The following MAST4 variants were observed in gnomAD, a reference collection of about 807,000 sequenced individuals.
The protein encoded by MAST4 is microtubule-associated serine/threonine-protein kinase 4.
In MAST4, 89 loss-of-function variants were observed where a neutral mutation model predicts 162.7. That is an observed-to-expected ratio of 0.55 (90% CI 0.46 to 0.65). The LOEUF (loss-of-function observed/expected upper bound fraction) is 0.65. Ranked by LOEUF, MAST4 falls within the 30% of genes least tolerant of loss-of-function variation. MAST4 has a pLI of 0.00. For synonymous variants in MAST4, 1,479 were observed against 1,361.1 expected (o/e 1.09, Z -1.91); for missense variants, 3,153 against 3,374.0 (o/e 0.93, Z 1.62).
intron 1 of MAST4, among the ~76,000 whole-genome samples, chr5:66,599,318 CT>C (rs1742405765): frequency 6.6e-6 from 1 of 152,118 alleles, no homozygotes; most frequent in South Asian, 2.1e-4. Context: ...TCTTTTGCCC[CT>C]CTCCTCAAAA....
At chr5:66,621,921 A>G (rs1744101575) in intron 1 of MAST4, among the ~76,000 whole-genome samples, 1 of 152,142 alleles carries the variant, frequency 6.6e-6, no homozygotes, top group South Asian at 2.1e-4. Flanking sequence ...TGTCGCAACT[A>G]CTCAACTCTG....
intron 4 of MAST4, among the ~76,000 whole-genome samples, chr5:66,915,316 C>A (rs1259047249): frequency 6.7e-6 from 1 of 149,086 alleles, no homozygotes; most frequent in African/African-American, 2.5e-5. Context: ...TGATTGTTTG[C>A]TGTGAGATTT....
chr5:66,788,535 A>G, intron 2 of MAST4, 135 bp from the exon 3 acceptor site: 1 of 1,167,626 alleles, frequency 8.6e-7, no homozygotes, highest in Admixed American at 2.2e-5. Context: ...GTTGCTATTA[A>G]TGTTATTACT....
intron 8 of MAST4, 138 bp downstream of exon 8, chr5:67,100,730 T>C (rs563564237): frequency 4.9e-4 from 518 of 1,053,182 alleles, no homozygotes; most frequent in Admixed American, 9.3e-4. Context: ...GATGTTTCCA[T>C]GTACACATAA....
rs1773737047 is a variant in MAST4 at position 67,165,264 on chromosome 5, A to T, written c.6085A>T (p.Thr2029Ser). 1.2e-6 allele frequency: 2 copies of T among 1,613,110 alleles called. No homozygotes were observed. The highest frequency in any genetic ancestry group is 3.3e-5 in the Admixed American group (2 of 59,966). The change falls in exon 29 of 29, where the codon ACC becomes TCC. Residue 2029 changes from threonine to serine, a missense_variant. Around this residue, in one of 7 missense-constraint regions of MAST4, gnomAD observed 1,644 missense variants for 1,495.0 expected, o/e 1.10. Transcript: ENST00000403625. ...GRTHPDFYTQ[T>S]QAMEKAWAPG... ...GACCCACCCAGATTTCTATACACAG[A>T]CCCAGGCCATGGAGAAAGCATGGGC...
intron 1 of MAST4, among the ~76,000 whole-genome samples, chr5:66,753,368 T>C (rs1226022460): frequency 1.3e-5 from 2 of 151,620 alleles, no homozygotes; most frequent in Non-Finnish European, 2.9e-5. Flanking sequence ...AGGAGCTGGT[T>C]TTTTGAAAGG....
In MAST4 at chr5:66,865,528, G is replaced by GT. The variant is rs550794287; in HGVS notation, c.643-34416dup. ...CCATCATTAAAATGGAAGTATTTAA[G>GT]TTTTTTTAAAAAGTCATCTATTTAA... On this transcript the variant is annotated intron_variant, in intron 3 of 28. Coordinates refer to ENST00000403625, the MANE Select transcript of MAST4 (RefSeq NM_001164664.2). Among the ~76,000 whole-genome samples, 24 of 152,224 alleles carry GT rather than the reference G, an allele frequency of 1.6e-4. No homozygotes were observed. In the East Asian group the frequency reaches 3.3e-3, roughly 21 times the overall value.
At chr5:66,797,034 A>T (rs1423888768) in intron 3 of MAST4, among the ~76,000 whole-genome samples, 1 of 152,178 alleles carries the variant, frequency 6.6e-6, no homozygotes, top group South Asian at 2.1e-4. Context: ...GAAATGATTA[A>T]AATAATGTGG....
intron 3 of MAST4, among the ~76,000 whole-genome samples, chr5:66,884,330 A>G (rs1449454400): frequency 6.6e-6 from 1 of 152,184 alleles, no homozygotes; most frequent in Non-Finnish European, 1.5e-5. Flanking sequence ...TGGATCCAGA[A>G]CCTTTTAGCA....
chr5:66,868,003 G>T (rs1760653366), intron 3 of MAST4, among the ~76,000 whole-genome samples: 1 of 152,214 alleles, frequency 6.6e-6, no homozygotes, highest in Non-Finnish European at 1.5e-5. Flanking sequence ...TTTGCCTTTA[G>T]TGTTGAGTGA....
At chr5:67,039,142 G>A (rs1339588789) in intron 4 of MAST4, among the ~76,000 whole-genome samples, 1 of 152,054 alleles carries the variant, frequency 6.6e-6, no homozygotes, top group Non-Finnish European at 1.5e-5. Flanking sequence ...TAGGATTTAG[G>A]GTCTATTTAG....
At position 66,759,875 on chromosome 5, in the gene MAST4, G is replaced by A. The variant is rs755333325; in HGVS notation, c.517+13G>A. ...GGAGCCCTGACTGGTGAGTCGCAGCGGCTTGGATGAGAGAAGGAATTGCAT... is the reference window on the plus strand; with the variant it reads ...GGAGCCCTGACTGGTGAGTCGCAGCAGCTTGGATGAGAGAAGGAATTGCAT... On this transcript the variant is annotated intron_variant, in intron 2 of 28. Coordinates refer to ENST00000403625, the MANE Select transcript of MAST4 (RefSeq NM_001164664.2). 17 of 1,613,066 alleles carry A rather than the reference G, an allele frequency of 1.1e-5. No individual in the cohort carries two copies. The highest frequency in any genetic ancestry group is 4.5e-5 in the East Asian group (2 of 44,866).
chr5:66,993,139 T>C (rs1750234665), intron 4 of MAST4, among the ~76,000 whole-genome samples: 1 of 152,254 alleles, frequency 6.6e-6, no homozygotes, highest in South Asian at 2.1e-4. Flanking sequence ...TCATGGACTT[T>C]TTATTGATCA....
At chr5:66,832,815 A>G (rs1179206994) in intron 3 of MAST4, among the ~76,000 whole-genome samples, 1 of 152,216 alleles carries the variant, frequency 6.6e-6, no homozygotes, top group Non-Finnish European at 1.5e-5. Context: ...GATAATATTA[A>G]TTCATCTTTG....
rs988978313 is a variant in MAST4 at position 66,758,484 on chromosome 5, A to T, written c.364-1225A>T. 2.0e-5 allele frequency among the ~76,000 whole-genome samples: 3 copies of T among 151,956 alleles called. No individual in the cohort carries two copies. In the South Asian group the frequency reaches 6.2e-4, roughly 31 times the overall value. ...CATGCTGGAGTGCAGTGCTGCAGTC[A>T]TGGCTCACTGTAGACTTGACCTCCT... is the stretch of plus-strand genomic sequence containing the variant. On this transcript the variant is annotated intron_variant, in intron 1 of 28. Transcript: ENST00000403625.
chr5:66,663,771 A>C (rs1304469132), intron 1 of MAST4, among the ~76,000 whole-genome samples: 2 of 152,214 alleles, frequency 1.3e-5, no homozygotes. Context: ...CTGGTTAAGA[A>C]AAAAAGTCAG....
chr5:66,774,995 C>CTGTGTGTGTGTGTG (rs33936607), intron 2 of MAST4, among the ~76,000 whole-genome samples: 1 of 142,030 alleles, frequency 7.0e-6, no homozygotes, highest in African/African-American at 2.7e-5. Flanking sequence ...TATCCTTTTC[C>CTGTGTGTGTGTGTG]TGTGTGTGTG....
Position 67,160,385 on chromosome 5 carries a change from A to C in MAST4, c.3649-71A>C, listed in dbSNP as rs1773048933. On this transcript the variant is annotated intron_variant, in intron 26 of 28. Coordinates refer to ENST00000403625, the MANE Select transcript of MAST4 (RefSeq NM_001164664.2). ...CCTTTCTATTTGTATTTGTCTATGA[A>C]TCTCTCATCTCTGTTCTGATCTTGC... is the stretch of plus-strand genomic sequence containing the variant. The C allele has an allele frequency of 5.7e-6, 8 of 1,399,250 alleles. No individual in the cohort carries two copies. The East Asian group carries it at 2.0e-4, about 35-fold the overall frequency. 86.7% of individuals were successfully genotyped at this position (1,399,250 alleles called of 1,614,324 possible). A position where few individuals can be genotyped will look rare whatever the true frequency, so the allele number is the denominator to read the frequency against.
chr5:66,688,695 C>G (rs1404509318), intron 1 of MAST4, among the ~76,000 whole-genome samples: 2 of 152,086 alleles, frequency 1.3e-5, no homozygotes, highest in African/African-American at 2.4e-5. Context: ...CTGTATGGTA[C>G]CAAATTTACT....
Sources: gnomAD v4.1 joint callset for allele counts (sites outside exome capture counted in the v4.1 genomes callset) on GRCh38, gnomAD v4.1.1 for gene constraint, gnomAD v4.1.1 regional missense constraint, MANE v1.5 for transcripts, NCBI Gene and HGNC (gene_info 2026-07-23, HGNC 2026-07-21) for gene names.